CCDC3: variants seen among roughly 807,000 people sequenced by gnomAD.
CCDC3 encodes the protein coiled-coil domain-containing protein 3.
In CCDC3, 24 loss-of-function variants were observed where a neutral mutation model predicts 21.4. That is an observed-to-expected ratio of 1.12 (90% confidence interval 0.81 to 1.58). CCDC3 has a LOEUF of 1.58. Ranked by LOEUF, CCDC3 falls within the 40% of genes most tolerant of loss-of-function variation. The pLI, the probability that CCDC3 is intolerant of heterozygous loss-of-function variation, is 0.00. For missense variants in CCDC3, 425 were observed against 360.9 expected, an observed-to-expected ratio of 1.18 and a Z score of -1.44; for synonymous variants, 186 against 166.0, an observed-to-expected ratio of 1.12 and a Z score of -0.93.
intron 2 of CCDC3, among the ~76,000 whole-genome samples, chr10:12,982,344 T>C (rs938844970): frequency 1.5e-4 from 22 of 151,062 alleles, no homozygotes; most frequent in African/African-American, 4.9e-4. Flanking sequence ...GCTGGAGAGG[T>C]GAGGACTTAG....
chr10:13,095,225 T>A (rs1201634587), intron 3 of CCDC3, among the ~76,000 whole-genome samples: 1 of 152,152 alleles, frequency 6.6e-6, no homozygotes, highest in Non-Finnish European at 1.5e-5. Flanking sequence ...GAACTCATCC[T>A]CGGAATATTT....
At chr10:12,974,869 T>C (rs1396164887) in intron 2 of CCDC3, among the ~76,000 whole-genome samples, 2 of 152,218 alleles carry the variant, frequency 1.3e-5, no homozygotes, top group African/African-American at 4.8e-5. Flanking sequence ...TCTGGTTTCA[T>C]CGTTGAACGT....
chr10:12,922,724 T>C (rs1834471512), intron 2 of CCDC3, among the ~76,000 whole-genome samples: 1 of 152,132 alleles, frequency 6.6e-6, no homozygotes, highest in Non-Finnish European at 1.5e-5. Flanking sequence ...TGGTACATTG[T>C]AGGAATCTGG....
chr10:12,954,381 T>G (rs1433509987), intron 2 of CCDC3, among the ~76,000 whole-genome samples: 1 of 152,240 alleles, frequency 6.6e-6, no homozygotes, highest in African/African-American at 2.4e-5. Context: ...CTTTCCATGA[T>G]GTAGATTATC....
chr10:13,017,724 C>T (rs1427942718), intron 5 of CCDC3, among the ~76,000 whole-genome samples: 1 of 151,962 alleles, frequency 6.6e-6, no homozygotes, highest in South Asian at 2.1e-4. Context: ...TTTCAACTAC[C>T]ATGTGTTGGG....
intron 3 of CCDC3, among the ~76,000 whole-genome samples, chr10:13,080,887 G>A (rs941998034): frequency 3.9e-5 from 6 of 152,226 alleles, no homozygotes; most frequent in Middle Eastern, 3.2e-3. Context: ...AGGGTTGGCC[G>A]GGTGAGTCAC....
At chr10:13,029,655 C>T (rs902128435) in intron 5 of CCDC3, among the ~76,000 whole-genome samples, 9 of 152,120 alleles carry the variant, frequency 5.9e-5, no homozygotes, top group Admixed American at 3.3e-4. Context: ...AATGACCTGA[C>T]GGAGCTGAAA....
At chr10:13,046,673 C>A (rs1215100641) in intron 5 of CCDC3, among the ~76,000 whole-genome samples, 1 of 148,528 alleles carries the variant, frequency 6.7e-6, no homozygotes, top group Non-Finnish European at 1.5e-5. Flanking sequence ...GGCCATTGCA[C>A]TCCCGCCTGG....
intron 2 of CCDC3, among the ~76,000 whole-genome samples, chr10:12,915,987 C>A (rs567771284): frequency 1.3e-5 from 2 of 151,978 alleles, no homozygotes; most frequent in Non-Finnish European, 2.9e-5. Flanking sequence ...TAGTCTGGAG[C>A]CTGGGTTCAC....
chr10:13,033,454 C>T (rs1836332537), intron 5 of CCDC3, among the ~76,000 whole-genome samples: 1 of 152,136 alleles, frequency 6.6e-6, no homozygotes, highest in African/African-American at 2.4e-5. Flanking sequence ...GTCTAAAACA[C>T]CAAAAGCAAT....
chr10:13,052,553 G>A (rs1035442131), intron 4 of CCDC3, among the ~76,000 whole-genome samples: 2 of 152,176 alleles, frequency 1.3e-5, no homozygotes, highest in Non-Finnish European at 2.9e-5. Flanking sequence ...GAGATCTGCT[G>A]TACAATGCTG....
At chr10:13,018,421 T>C (rs1836097905) in intron 5 of CCDC3, among the ~76,000 whole-genome samples, 1 of 152,132 alleles carries the variant, frequency 6.6e-6, no homozygotes, top group Non-Finnish European at 1.5e-5. Context: ...GCCCAGGGAA[T>C]GTGAAAAGCT....
At chr10:12,933,454 C>CTTT (rs545950029) in intron 2 of CCDC3, among the ~76,000 whole-genome samples, 3,120 of 115,726 alleles carry the variant, frequency 0.027, 60 homozygotes, top group African/African-American at 0.055. Context: ...ATAATATTCC[C>CTTT]TTTATTTTTT....
chr10:13,066,677 G>C (rs972574848), intron 4 of CCDC3, among the ~76,000 whole-genome samples: 3 of 152,100 alleles, frequency 2.0e-5, no homozygotes, highest in African/African-American at 7.3e-5. Context: ...GTTGACATCA[G>C]ATGCTTTTGT....
At chr10:12,999,798 T>C (rs1164850307) in intron 1 of CCDC3, among the ~76,000 whole-genome samples, 1 of 152,230 alleles carries the variant, frequency 6.6e-6, no homozygotes, top group Non-Finnish European at 1.5e-5. Context: ...AGTTCTGGTT[T>C]TGAATAGTTT....
chr10:13,076,636 A>G (rs1394433697), intron 3 of CCDC3, among the ~76,000 whole-genome samples: 5 of 152,238 alleles, frequency 3.3e-5, no homozygotes, highest in Non-Finnish European at 7.3e-5. Context: ...ACAGGCACAT[A>G]GTACATTCTA....
intron 2 of CCDC3, among the ~76,000 whole-genome samples, chr10:12,905,735 T>G (rs376710508): frequency 1.3e-5 from 2 of 152,222 alleles, no homozygotes; most frequent in Admixed American, 6.5e-5. Flanking sequence ...ACTGACTGTT[T>G]CTAAAATGCA....
At chr10:13,099,381 CCTCCCTCT>C (rs999040737) in intron 1 of CCDC3, 1 of 144,614 alleles carries the variant, frequency 6.9e-6, no homozygotes, top group African/African-American at 2.6e-5. Flanking sequence ...TCCCTCTCTC[CCTCCCTCT>C]CTCCCTCTCT....
chr10:13,085,891 C>T (rs917425737), intron 3 of CCDC3, among the ~76,000 whole-genome samples: 6 of 151,536 alleles, frequency 4.0e-5, no homozygotes, highest in Admixed American at 2.0e-4. Context: ...CACTTGAATC[C>T]GGGAGCTGGG....
Sources: allele counts gnomAD v4.1 joint callset (sites outside exome capture counted in the v4.1 genomes callset), GRCh38; gene constraint gnomAD v4.1.1; transcripts MANE v1.5; gene names NCBI Gene and HGNC (gene_info 2026-07-23, HGNC 2026-07-21).